Variants in AASS observed in about 807,000 individuals in gnomAD.
AASS encodes aminoadipate-semialdehyde synthase.
In AASS, 86 loss-of-function variants were observed where a neutral mutation model predicts 105.4. The observed-to-expected ratio is 0.82, with a 90% CI of 0.69 to 0.98. AASS has a LOEUF of 0.98. AASS is among the 50% of genes least tolerant of loss of function. AASS has a pLI of 0.00. For synonymous variants in AASS, 381 were observed against 394.8 expected, an observed-to-expected ratio of 0.96 and a Z score of 0.41; for missense variants, 1,048 against 1,143.2, an observed-to-expected ratio of 0.92 and a Z score of 1.20.
In AASS at chr7:122,079,688, C is replaced by A; in HGVS notation, c.2305G>T (p.Gly769Trp). The change falls in exon 21 of 24, where the codon GGG (glycine) becomes TGG (tryptophan). Residue 769 changes from glycine (G) to tryptophan (W), a missense_variant. Gly to Trp is a radical substitution (Grantham distance 184). Coordinates refer to ENST00000417368, the MANE Select transcript of AASS (RefSeq NM_005763.4). ...TWKQLLCDLV[G>W]ISPSSEHDVL... Reference sequence around the variant, plus strand: ...TCATGCTCAGAGGAGGGTGAAATCCCAACTAGGTCACAGAGGAGTTGTTTC... The same window carrying A: ...TCATGCTCAGAGGAGGGTGAAATCCAAACTAGGTCACAGAGGAGTTGTTTC... 1 of 1,613,496 alleles carries A rather than the reference C, an allele frequency of 6.2e-7. No homozygotes were observed. Among genetic ancestry groups the A allele is most frequent in the Non-Finnish European group, 8.5e-7 (1 of 1,179,562 alleles).
At chr7:122,108,225 A>G (rs1362720132) in intron 11 of AASS, among the ~76,000 whole-genome samples, 1 of 152,066 alleles carries the variant, frequency 6.6e-6, no homozygotes, top group Non-Finnish European at 1.5e-5. Flanking sequence ...TGGTTTCACT[A>G]CTGAACTCTA....
chr7:122,075,452 G>A lies in AASS; in HGVS notation c.*1037C>T, dbSNP rs1466138559. Among the ~76,000 whole-genome samples the A allele has an allele frequency of 6.6e-6, 1 of 151,998 alleles. No individual in the cohort carries two copies. The highest frequency in any genetic ancestry group is 1.5e-5 in the Non-Finnish European group (1 of 68,002). ...CTTGCCTAATTGCCCTTTCTTGACT[G>A]TCCAGTACAAGTTGAATAGAAATGG... On this transcript the variant is annotated 3_prime_UTR_variant, in exon 24 of 24. Coordinates refer to ENST00000417368, the MANE Select transcript of AASS (RefSeq NM_005763.4).
intron 15 of AASS, among the ~76,000 whole-genome samples, chr7:122,093,719 A>G (rs1008184566): frequency 4.6e-5 from 7 of 152,112 alleles, no homozygotes; most frequent in Non-Finnish European, 1.0e-4. Flanking sequence ...CTGAAGTGGG[A>G]GGATCACTTG....
intron 6 of AASS, among the ~76,000 whole-genome samples, chr7:122,117,749 G>A (rs1430155517): frequency 6.6e-6 from 1 of 151,874 alleles, no homozygotes; most frequent in Non-Finnish European, 1.5e-5. Flanking sequence ...TTTGCCTCCC[G>A]GGTTCAAGCG....
chr7:122,078,535 C>T (rs1426061157), intron 22 of AASS, among the ~76,000 whole-genome samples: 1 of 123,556 alleles, frequency 8.1e-6, no homozygotes, highest in African/African-American at 3.3e-5. Flanking sequence ...TCTCTTGAAC[C>T]TGGGAGGCAG....
intron 18 of AASS, among the ~76,000 whole-genome samples, chr7:122,089,749 A>C (rs1286090630): frequency 6.6e-6 from 1 of 152,194 alleles, no homozygotes; most frequent in Non-Finnish European, 1.5e-5. Flanking sequence ...GAGCTAGAGC[A>C]CAAAGCCAGG....
intron 15 of AASS, 61 bp downstream of exon 15, chr7:122,098,389 A>T (rs1368735196): frequency 1.1e-5 from 17 of 1,596,716 alleles, no homozygotes; most frequent in Non-Finnish European, 1.5e-5. Context: ...TGAAAGAGAA[A>T]GAAAAATGAG....
At chr7:122,118,012 G>A (rs554657789) in intron 6 of AASS, among the ~76,000 whole-genome samples, 20 of 152,090 alleles carry the variant, frequency 1.3e-4, no homozygotes, top group African/African-American at 4.6e-4. Flanking sequence ...CCAAGACTCC[G>A]ATAGCTTGCA....
Position 122,086,155 on chromosome 7 carries a change from A to T in AASS, c.2041T>A (p.Ser681Thr), listed in dbSNP as rs201469892. The stretch of plus-strand genomic sequence containing the variant: ...ATGGACGTAACGGCATCAAGAAAGG[A>T]GATGCCTCCTGCAACATTCACAACC... The part of the protein sequence containing the change: ...GKVVNVAGGI[S>T]FLDAVTSMDF... The change falls in exon 19 of 24, where the codon TCC becomes ACC. Residue 681 changes from serine (S) to threonine (T), a missense_variant. Ser to Thr is a moderately conservative substitution (Grantham distance 58, BLOSUM62 1). Coordinates refer to ENST00000417368, the MANE Select transcript of AASS (RefSeq NM_005763.4). 6.2e-7 allele frequency: 1 copy of T among 1,613,516 alleles called. No individual in the cohort carries two copies. The highest frequency in any genetic ancestry group is 8.5e-7 in the Non-Finnish European group (1 of 1,179,764).
chr7:122,116,497 G>T, intron 8 of AASS, 136 bp downstream of exon 8: 1 of 1,110,520 alleles, frequency 9.0e-7, no homozygotes, highest in Non-Finnish European at 1.3e-6. Flanking sequence ...AGCTCCAAAG[G>T]CCAAATCATG....
chr7:122,133,235 C>G (rs1048166143), intron 2 of AASS, among the ~76,000 whole-genome samples: 4 of 152,120 alleles, frequency 2.6e-5, no homozygotes, highest in African/African-American at 9.7e-5. Flanking sequence ...AGGCAAGGTA[C>G]ATTCTCAAAG....
chr7:122,113,200 G>T lies in AASS; in HGVS notation c.1196C>A (p.Ser399Tyr). ...GAGCTGTGCCGGCAAATTGTCAATG[G>T]AACACATCAGGATCCCCGAGCCTTC... ...SVEGSGILMCSIDNLPAQLPI... is the reference protein window; with the variant it reads ...SVEGSGILMCYIDNLPAQLPI... The change falls in exon 11 of 24, where the codon TCC (serine) becomes TAC (tyrosine). Residue 399 changes from serine (S) to tyrosine (Y), a missense_variant. Transcript: ENST00000417368. 1.2e-6 allele frequency: 2 copies of T among 1,613,992 alleles called. No individual in the cohort carries two copies. The highest frequency in any genetic ancestry group is 2.2e-5 in the South Asian group (2 of 91,080).
chr7:122,085,625 G>A (rs74801820), intron 19 of AASS, among the ~76,000 whole-genome samples: 1,927 of 152,102 alleles, frequency 0.013, 90 homozygotes, highest in Admixed American at 0.08. Flanking sequence ...TATTAGAACG[G>A]TATCATTTTT....
intron 15 of AASS, among the ~76,000 whole-genome samples, chr7:122,096,669 T>C (rs184292426): frequency 5.3e-5 from 8 of 152,032 alleles, no homozygotes; most frequent in African/African-American, 1.7e-4. Context: ...TAGGATAACA[T>C]TGTTTAATGG....
intron 1 of AASS, among the ~76,000 whole-genome samples, chr7:122,134,032 A>T (rs1164033184): frequency 6.6e-6 from 1 of 152,250 alleles, no homozygotes; most frequent in Non-Finnish European, 1.5e-5. Context: ...TCAAACATCT[A>T]TTCGGCACAA....
intron 11 of AASS, among the ~76,000 whole-genome samples, chr7:122,102,162 T>C (rs1316632028): frequency 7.9e-5 from 12 of 151,872 alleles, no homozygotes; most frequent in Non-Finnish European, 2.9e-5. Flanking sequence ...TTAGTAGTTA[T>C]ATGTATAGGT....
rs746849335 is a variant in AASS at position 122,113,117 on chromosome 7, C to G, written c.1278+1G>C. On this transcript the variant is annotated splice_donor_variant, in intron 11 of 23. Transcript: ENST00000417368. LOFTEE classifies it high-confidence loss of function. ...GTTACTGATATTACCAGTCTGCTTA[C>G]CATTTCTTCAACATAAGGGTAAAGC... The G allele has an allele frequency of 1.2e-6, 2 of 1,611,474 alleles. No homozygotes were observed. Among genetic ancestry groups the G allele is most frequent in the South Asian group, 1.1e-5 (1 of 91,022 alleles).
chr7:122,098,600 A>G (rs757285629), intron 14 of AASS, 24 bp from the exon 15 acceptor site: 2 of 1,602,838 alleles, frequency 1.2e-6, no homozygotes, highest in South Asian at 2.2e-5. Context: ...TAAAAGTCAC[A>G]TTTTTAGATA....
At chr7:122,136,020 A>G (rs944483374) in intron 1 of AASS, among the ~76,000 whole-genome samples, 4 of 152,214 alleles carry the variant, frequency 2.6e-5, no homozygotes, top group African/African-American at 7.2e-5. Context: ...GATTTGCTGG[A>G]TCATTTGAAT....
Sources: allele counts gnomAD v4.1 joint callset (sites outside exome capture counted in the v4.1 genomes callset), GRCh38; gene constraint gnomAD v4.1.1; transcripts MANE v1.5; gene names NCBI Gene and HGNC (gene_info 2026-07-23, HGNC 2026-07-21).